NR2E1: variants seen among roughly 807,000 people sequenced by gnomAD.
The protein encoded by NR2E1 is nuclear receptor subfamily 2 group E member 1, also known as nuclear receptor TLX.
Under a neutral mutation model 43.6 loss-of-function variants are expected in NR2E1, and 5 were observed. The ratio of observed to expected loss-of-function variants is 0.11; its 90% confidence interval spans 0.06 to 0.24. NR2E1 has a LOEUF of 0.24. NR2E1 is among the 10% of genes least tolerant of loss of function. The pLI is 1.00. For synonymous variants in NR2E1, 191 were observed against 195.5 expected, an observed-to-expected ratio of 0.98 and a Z score of 0.19; for missense variants, 287 against 496.7, an observed-to-expected ratio of 0.58 and a Z score of 4.01.
intron 1 of NR2E1, among the ~76,000 whole-genome samples, chr6:108,171,068 G>C (rs1773803383): frequency 6.6e-6 from 1 of 152,030 alleles, no homozygotes; most frequent in Non-Finnish European, 1.5e-5. Flanking sequence ...CTCCTCGCGC[G>C]CTCACTAACA....
chr6:108,167,160 C>A (rs1773723832), intron 1 of NR2E1, among the ~76,000 whole-genome samples: 1 of 152,164 alleles, frequency 6.6e-6, no homozygotes, highest in African/African-American at 2.4e-5. Context: ...TCGCTCAAAA[C>A]TCCGAGCTCC....
In NR2E1 at chr6:108,180,551, T is replaced by C; in HGVS notation, c.739+132T>C. The C allele has an allele frequency of 1.3e-6, 1 of 764,448 alleles. No individual in the cohort carries two copies. The highest frequency in any genetic ancestry group is 2.3e-6 in the Non-Finnish European group (1 of 440,402). The allele number at this position is 764,448 out of a possible 1,614,324, so 47.4% of individuals were successfully genotyped here. ...AGTATACCTGTCATTTATAAATCTA[T>C]ATTTAAATGCAAATAATGTTGTTTT... On this transcript the variant is annotated intron_variant, in intron 6 of 8. Coordinates refer to ENST00000368986, the MANE Select transcript of NR2E1 (RefSeq NM_003269.5). This position sits in a 1 kb window ranked among gnomAD's most constrained non-coding sequence, Gnocchi z 5.4.
intron 4 of NR2E1, among the ~76,000 whole-genome samples, chr6:108,177,418 A>G (rs1773917526): frequency 6.6e-6 from 1 of 152,180 alleles, no homozygotes; most frequent in Non-Finnish European, 1.5e-5. Flanking sequence ...CCTACAGCTG[A>G]TACCTACTAA....
At chr6:108,173,208 T>A (rs118130070) in intron 2 of NR2E1, among the ~76,000 whole-genome samples, 1 of 152,240 alleles carries the variant, frequency 6.6e-6, no homozygotes, top group Non-Finnish European at 1.5e-5. Flanking sequence ...GATATTTATA[T>A]ACATTTGATC....
At chr6:108,185,882 A>T (rs1051935412) in intron 8 of NR2E1, among the ~76,000 whole-genome samples, 7 of 152,132 alleles carry the variant, frequency 4.6e-5, no homozygotes, top group African/African-American at 1.7e-4. Flanking sequence ...ATCCTTTCTG[A>T]AGGTGATTAT....
Position 108,174,879 on chromosome 6 carries a change from C to A in NR2E1, c.215C>A (p.Ala72Glu). The A allele has an allele frequency of 6.2e-7, 1 of 1,614,146 alleles. No homozygotes were observed. Among genetic ancestry groups the A allele is most frequent in the Non-Finnish European group, 8.5e-7 (1 of 1,180,028 alleles). ...VDKTHRNQCR[A>E]CRLKKCLEVN... ...AAGACGCACAGAAACCAGTGCAGGG[C>A]GTGTCGGCTGAAGAAGTGTTTGGAA... Residue 72 changes from alanine to glutamate, a missense_variant, in exon 3 of 9, where the codon GCG becomes GAG. Around this residue, in one of 4 missense-constraint regions of NR2E1, gnomAD observed 46 missense variants for 132.3 expected, o/e 0.35. Coordinates refer to ENST00000368986, the MANE Select transcript of NR2E1 (RefSeq NM_003269.5).
intron 2 of NR2E1, 117 bp from the exon 3 acceptor site, chr6:108,174,719 C>A: frequency 1.2e-6 from 1 of 807,764 alleles, no homozygotes. Flanking sequence ...GCTCGGGGCT[C>A]CAGGGCCTGC....
chr6:108,170,242 C>T (rs958776465), intron 1 of NR2E1, among the ~76,000 whole-genome samples: 1 of 152,220 alleles, frequency 6.6e-6, no homozygotes, highest in Non-Finnish European at 1.5e-5. Context: ...GGGGCCCAAA[C>T]TGGAGGCCTT....
In NR2E1 at chr6:108,169,511, G is replaced by T. The variant is rs1055132593; in HGVS notation, c.26-1947G>T. Among the ~76,000 whole-genome samples the T allele has an allele frequency of 2.0e-5, 3 of 152,214 alleles. No homozygotes were observed. The highest frequency in any genetic ancestry group is 6.5e-5 in the Admixed American group (1 of 15,286). ...TGCCACAGGGAAGAGGACAGCTGGG[G>T]TGACAGTACTGCTGGGCCCCAAACG... On this transcript the variant is annotated intron_variant, in intron 1 of 8. Transcript: ENST00000368986. This position sits in a 1 kb window ranked among gnomAD's most constrained non-coding sequence, Gnocchi z 6.1.
intron 8 of NR2E1, among the ~76,000 whole-genome samples, chr6:108,185,409 T>TACACACACAC (rs3040212): frequency 1.0e-3 from 149 of 146,892 alleles, no homozygotes; most frequent in African/African-American, 3.4e-3. Context: ...CACACACACA[T>TACACACACAC]ACACACACAC....
intron 2 of NR2E1, among the ~76,000 whole-genome samples, chr6:108,172,305 C>G (rs1773826750): frequency 6.6e-6 from 1 of 152,196 alleles, no homozygotes; most frequent in Non-Finnish European, 1.5e-5. Flanking sequence ...GCAACTGGGA[C>G]CCTCCTCAAG....
intron 4 of NR2E1, among the ~76,000 whole-genome samples, chr6:108,177,179 A>C (rs1480046167): frequency 6.6e-6 from 1 of 152,232 alleles, no homozygotes; most frequent in Non-Finnish European, 1.5e-5. Flanking sequence ...AGGGCTCCAG[A>C]ATTCCAAATC....
chr6:108,186,329 C>T (rs1774074358), intron 8 of NR2E1, among the ~76,000 whole-genome samples: 1 of 75,768 alleles, frequency 1.3e-5, no homozygotes, highest in Admixed American at 1.2e-4. Flanking sequence ...GTGCCCAGAG[C>T]TAAATATTTA....
Position 108,166,284 on chromosome 6 carries a change from C to T in NR2E1, c.-482C>T, listed in dbSNP as rs1773707379. 6.5e-6 allele frequency: 1 copy of T among 153,962 alleles called. No homozygotes were observed. The highest frequency in any genetic ancestry group is 1.4e-5 in the Non-Finnish European group (1 of 69,346). 9.5% of individuals were successfully genotyped at this position (153,962 alleles called of 1,614,324 possible). ...GACTGCGGTAGTGTTTTCCTTCTTT[C>T]CTTGGGAGACCAGCGGTCGGCAGAG... On this transcript the variant is annotated 5_prime_UTR_variant, in exon 1 of 9. Coordinates refer to ENST00000368986, the MANE Select transcript of NR2E1 (RefSeq NM_003269.5). The surrounding 1 kb of genome is among the most constrained non-coding windows in gnomAD (Gnocchi z 7.2).
chr6:108,175,407 T>G (rs1773879733), intron 3 of NR2E1, among the ~76,000 whole-genome samples: 2 of 152,334 alleles, frequency 1.3e-5, no homozygotes, highest in Admixed American at 1.3e-4. Flanking sequence ...CGTGTGCAAA[T>G]TCTCCAAGAT....
intron 2 of NR2E1, 32 bp downstream of exon 2, chr6:108,171,635 C>G: frequency 6.2e-7 from 1 of 1,613,104 alleles, no homozygotes; most frequent in Non-Finnish European, 8.5e-7. Flanking sequence ...TGCTGGGCTC[C>G]GCTCTGCTGC....
chr6:108,179,291 T>G (rs1773947741), intron 5 of NR2E1: 1 of 152,198 alleles, frequency 6.6e-6, no homozygotes, highest in East Asian at 1.9e-4. Context: ...GGAATAAAAC[T>G]AAAAATAAAA....
intron 3 of NR2E1, 99 bp from the exon 4 acceptor site, chr6:108,176,404 C>A: frequency 2.4e-6 from 3 of 1,270,038 alleles, no homozygotes; most frequent in Non-Finnish European, 3.4e-6. Context: ...ATTTTGCCCG[C>A]CCAGACTTGA....
intron 1 of NR2E1, among the ~76,000 whole-genome samples, chr6:108,168,546 C>A (rs773339681): frequency 2.0e-5 from 3 of 152,276 alleles, no homozygotes; most frequent in Non-Finnish European, 4.4e-5. Context: ...TTTGGCCGTT[C>A]TAACTTGCCA....
Sources: allele counts gnomAD v4.1 joint callset (sites outside exome capture counted in the v4.1 genomes callset), GRCh38; gene constraint gnomAD v4.1.1; regional missense constraint gnomAD v4.1.1; non-coding constraint Gnocchi (gnomAD v3.1); transcripts MANE v1.5; gene names NCBI Gene and HGNC (gene_info 2026-07-23, HGNC 2026-07-21).